Variants in TANGO6 observed in about 807,000 individuals in gnomAD.
TANGO6 encodes the protein transport and Golgi organization protein 6 homolog.
In TANGO6, 90 loss-of-function variants were observed where a neutral mutation model predicts 114.2. That is an observed-to-expected ratio of 0.79 (90% CI 0.66 to 0.94). The LOEUF (loss-of-function observed/expected upper bound fraction) is 0.94. Among genes scored for constraint, TANGO6 ranks in the 40% least tolerant of loss-of-function variants. The probability of loss-of-function intolerance (pLI) is 0.00; values close to 1 mark genes in which losing one functional copy is unlikely to be tolerated. For synonymous variants in TANGO6, 477 were observed against 509.8 expected, an observed-to-expected ratio of 0.94 and a Z score of 0.87; for missense variants, 1,274 against 1,315.3, an observed-to-expected ratio of 0.97 and a Z score of 0.49.
chr16:68,970,009 T>C (rs1329177726), intron 14 of TANGO6, among the ~76,000 whole-genome samples: 1 of 152,150 alleles, frequency 6.6e-6, no homozygotes, highest in East Asian at 1.9e-4. Flanking sequence ...GGAATTTATC[T>C]TTCCCAGTAG....
chr16:69,052,935 C>G (rs1959975767), intron 17 of TANGO6, among the ~76,000 whole-genome samples: 3 of 152,028 alleles, frequency 2.0e-5, no homozygotes, highest in African/African-American at 7.3e-5. Context: ...ACGGAGAAAC[C>G]TCATCTCTCC....
intron 1 of TANGO6, among the ~76,000 whole-genome samples, chr16:68,844,420 A>G (rs896129348): frequency 1.2e-4 from 19 of 152,066 alleles, no homozygotes; most frequent in African/African-American, 3.1e-4. Flanking sequence ...GAATCAGACA[A>G]ATTGTTCAGT....
At chr16:68,944,942 T>G (rs1485100106) in intron 14 of TANGO6, among the ~76,000 whole-genome samples, 1 of 151,832 alleles carries the variant, frequency 6.6e-6, no homozygotes, top group Non-Finnish European at 1.5e-5. Context: ...AGGTCAGGAG[T>G]TCGAGACCAG....
intron 1 of TANGO6, among the ~76,000 whole-genome samples, chr16:68,855,061 A>G (rs1171672207): frequency 6.6e-6 from 1 of 151,008 alleles, no homozygotes; most frequent in East Asian, 2.0e-4. Flanking sequence ...TTGGAGTCCA[A>G]TGGCGTGATC....
rs116525075 is a variant in TANGO6 at position 68,948,155 on chromosome 16, C to G, written c.2701+17860C>G. 472 of 152,148 alleles carry G rather than the reference C, an allele frequency of 3.1e-3. 3 individuals are homozygous for G. The highest frequency in any genetic ancestry group is 0.011 in the African/African-American group (457 of 41,504). 9.4% of individuals were successfully genotyped at this position (152,148 alleles called of 1,614,324 possible). On this transcript the variant is annotated intron_variant, in intron 14 of 17. Transcript: ENST00000261778. ...CTGTCCAGTGGTTTCCTTTATCAATCAAAGATTGATACATTCAAATTTGCA... is the reference window on the plus strand; with the variant it reads ...CTGTCCAGTGGTTTCCTTTATCAATGAAAGATTGATACATTCAAATTTGCA...
intron 6 of TANGO6, among the ~76,000 whole-genome samples, chr16:68,878,650 C>T (rs1962408772): frequency 6.6e-6 from 1 of 152,052 alleles, no homozygotes; most frequent in Non-Finnish European, 1.5e-5. Flanking sequence ...AACCACAAGG[C>T]GATTACCACA....
intron 17 of TANGO6, among the ~76,000 whole-genome samples, chr16:69,052,933 A>G (rs914346239): frequency 6.6e-6 from 1 of 151,986 alleles, no homozygotes; most frequent in Admixed American, 6.6e-5. Context: ...ACACGGAGAA[A>G]CCTCATCTCT....
At chr16:68,893,634 G>A (rs1298130592) in intron 7 of TANGO6, among the ~76,000 whole-genome samples, 1 of 151,440 alleles carries the variant, frequency 6.6e-6, no homozygotes, top group Non-Finnish European at 1.5e-5. Flanking sequence ...TACTTGGGAG[G>A]CTGAGTCACG....
intron 2 of TANGO6, among the ~76,000 whole-genome samples, chr16:68,861,388 C>A (rs74025328): frequency 0.018 from 2,717 of 152,332 alleles, 86 homozygotes; most frequent in African/African-American, 0.061. Context: ...TTTCTCTTCT[C>A]TCTCCTGCCT....
chr16:69,015,108 G>C (rs994866252), intron 15 of TANGO6, among the ~76,000 whole-genome samples: 1 of 152,156 alleles, frequency 6.6e-6, no homozygotes, highest in Non-Finnish European at 1.5e-5. Flanking sequence ...AGGGAGGGAA[G>C]ATTAGTCAGA....
At chr16:68,923,299 C>G (rs1233388632) in intron 12 of TANGO6, among the ~76,000 whole-genome samples, 2 of 152,046 alleles carry the variant, frequency 1.3e-5, no homozygotes, top group African/African-American at 4.8e-5. Context: ...TGCTCAGACT[C>G]TTTGGCAGAA....
rs144855507 is a variant in TANGO6, at chr16:68,881,746, A to G, written c.1377+1116A>G. Among the ~76,000 whole-genome samples the G allele has an allele frequency of 3.0e-3, 458 of 152,332 alleles. 2 individuals are homozygous for G. Among genetic ancestry groups the G allele is most frequent in the Non-Finnish European group, 4.6e-3 (311 of 68,024 alleles). ...AATGAAAACTAAGAATCTAAATGTT[A>G]TGTTCTTTATTATCACAGCCTTATA... On this transcript the variant is annotated intron_variant, in intron 7 of 17. Coordinates refer to ENST00000261778, the MANE Select transcript of TANGO6 (RefSeq NM_024562.2).
intron 14 of TANGO6, among the ~76,000 whole-genome samples, chr16:68,942,771 G>T (rs1176509250): frequency 1.3e-5 from 2 of 152,046 alleles, no homozygotes; most frequent in Non-Finnish European, 2.9e-5. Flanking sequence ...TATCATCTCA[G>T]GCCTTTTTAA....
At chr16:68,953,665 A>T (rs775210150) in intron 14 of TANGO6, among the ~76,000 whole-genome samples, 2 of 152,064 alleles carry the variant, frequency 1.3e-5, no homozygotes, top group African/African-American at 4.8e-5. Context: ...TGTAGGGAAG[A>T]TACTTAGACC....
At chr16:68,902,654 G>C (rs1449267645) in intron 9 of TANGO6, 150 bp downstream of exon 9, 4 of 701,472 alleles carry the variant, frequency 5.7e-6, no homozygotes, top group African/African-American at 5.5e-5. Context: ...TAAATGAAAC[G>C]TGAGCCTTAA....
At chr16:68,845,677 A>G (rs947773872) in intron 1 of TANGO6, among the ~76,000 whole-genome samples, 3 of 152,060 alleles carry the variant, frequency 2.0e-5, no homozygotes, top group Non-Finnish European at 2.9e-5. Flanking sequence ...TGTGTCTACA[A>G]AAAACTAAAA....
At chr16:69,052,123 T>C (rs1597072901) in intron 17 of TANGO6, among the ~76,000 whole-genome samples, 1 of 151,470 alleles carries the variant, frequency 6.6e-6, no homozygotes, top group Admixed American at 6.6e-5. Context: ...ATTTTTTAAA[T>C]TTTTTGTAGA....
At chr16:68,941,444 T>G (rs1445965645) in intron 14 of TANGO6, among the ~76,000 whole-genome samples, 1 of 152,124 alleles carries the variant, frequency 6.6e-6, no homozygotes, top group Non-Finnish European at 1.5e-5. Flanking sequence ...TTGAGTCTGT[T>G]GATTTTAAAG....
At chr16:69,021,660 C>A (rs1959407964) in intron 15 of TANGO6, among the ~76,000 whole-genome samples, 1 of 152,010 alleles carries the variant, frequency 6.6e-6, no homozygotes, top group Non-Finnish European at 1.5e-5. Context: ...TTCTCCAGGA[C>A]CCAAATGCCT....
Sources: gnomAD v4.1 joint callset for allele counts (sites outside exome capture counted in the v4.1 genomes callset) on GRCh38, gnomAD v4.1.1 for gene constraint, MANE v1.5 for transcripts, NCBI Gene and HGNC (gene_info 2026-07-23, HGNC 2026-07-21) for gene names.